GULP1: variants seen among roughly 807,000 people sequenced by gnomAD.
GULP1 encodes the protein PTB domain-containing engulfment adapter protein 1.
GULP1 carries 19 observed loss-of-function variants against 40.9 expected under a neutral mutation model. That is an observed-to-expected ratio of 0.46 (90% CI 0.32 to 0.68). The LOEUF is 0.68. Among genes scored for constraint, GULP1 ranks in the 30% least tolerant of loss-of-function variants. The pLI is 0.03. For missense variants in GULP1, 312 were observed against 362.2 expected, an observed-to-expected ratio of 0.86 and a Z score of 1.12; for synonymous variants, 119 against 117.6, an observed-to-expected ratio of 1.01 and a Z score of -0.08.
chr2:188,593,986 T>G lies in GULP1; in HGVS notation c.890T>G (p.Leu297Arg). The G allele has an allele frequency of 6.2e-7, 1 of 1,600,724 alleles. No individual in the cohort carries two copies. Reference sequence around the variant, plus strand: ...ACTCTTGAAGGCACAGTATTTTGTCTCGACCCGTTAGACAGTAGGTGCTGA... The same window carrying G: ...ACTCTTGAAGGCACAGTATTTTGTCGCGACCCGTTAGACAGTAGGTGCTGA... ...GLTLEGTVFC[L>R]DPLDSRC The change falls in exon 12 of 12, where the codon CTC becomes CGC. Residue 297 changes from leucine (L) to arginine (R), a missense_variant. Coordinates refer to ENST00000409830, the MANE Select transcript of GULP1 (RefSeq NM_016315.4).
At chr2:188,411,171 T>C (rs1373864422) in intron 2 of GULP1, among the ~76,000 whole-genome samples, 8 of 152,090 alleles carry the variant, frequency 5.3e-5, no homozygotes, top group Non-Finnish European at 1.2e-4. Context: ...TGTCTGTGAG[T>C]GCCCGGGACC....
chr2:188,419,232 A>G (rs2055021694), intron 2 of GULP1, among the ~76,000 whole-genome samples: 1 of 152,194 alleles, frequency 6.6e-6, no homozygotes, highest in African/African-American at 2.4e-5. Context: ...ATTAATTTCT[A>G]GAACATATAA....
In GULP1 at chr2:188,483,476, T is replaced by G; in HGVS notation, c.74T>G (p.Ile25Ser). ...HTPEALSKHF[I>S]PYNAKFLGST... ...CCTGAAGCTTTATCAAAACATTTCA[T>G]TCCCTATAATGCAAAGGTAAAAATA... Residue 25 changes from isoleucine to serine, a missense_variant, in exon 4 of 12, where the codon ATT (isoleucine) becomes AGT (serine). Ile to Ser is a moderately radical substitution (Grantham distance 142). Coordinates refer to ENST00000409830, the MANE Select transcript of GULP1 (RefSeq NM_016315.4). 3 of 1,471,102 alleles carry G rather than the reference T, an allele frequency of 2.0e-6. No homozygotes were observed. The highest frequency in any genetic ancestry group is 2.8e-6 in the Non-Finnish European group (3 of 1,058,634). The allele number at this position is 1,471,102 out of a possible 1,614,324, so 91.1% of individuals were successfully genotyped here.
At chr2:188,432,254 A>G (rs938004141) in intron 2 of GULP1, among the ~76,000 whole-genome samples, 1 of 151,712 alleles carries the variant, frequency 6.6e-6, no homozygotes, top group Non-Finnish European at 1.5e-5. Flanking sequence ...AAGATTTTAA[A>G]TTACATGACA....
intron 2 of GULP1, among the ~76,000 whole-genome samples, chr2:188,455,857 A>G (rs1440521010): frequency 1.3e-5 from 2 of 152,236 alleles, no homozygotes; most frequent in African/African-American, 2.4e-5. Context: ...CAAAATGCTG[A>G]TAGCCATATG....
chr2:188,489,036 A>G (rs567114972), intron 4 of GULP1, among the ~76,000 whole-genome samples: 3 of 152,142 alleles, frequency 2.0e-5, no homozygotes, highest in African/African-American at 7.2e-5. Flanking sequence ...TGCTCTTTAA[A>G]TTGTTTTTTG....
chr2:188,514,944 T>C (rs2065025209), intron 4 of GULP1, among the ~76,000 whole-genome samples: 1 of 152,220 alleles, frequency 6.6e-6, no homozygotes, highest in African/African-American at 2.4e-5. Flanking sequence ...TGTTTAAGAA[T>C]CCACTCATTG....
intron 8 of GULP1, 38 bp from the exon 9 acceptor site, chr2:188,569,990 A>AAAAAC (rs1383361523): frequency 2.4e-6 from 2 of 832,804 alleles, no homozygotes; most frequent in African/African-American, 3.5e-5. Context: ...CCAAGAAAAA[A>AAAAAC]AAAACAGAAA....
At chr2:188,406,157 G>A (rs1484374177) in intron 2 of GULP1, among the ~76,000 whole-genome samples, 1 of 151,966 alleles carries the variant, frequency 6.6e-6, no homozygotes, top group Non-Finnish European at 1.5e-5. Flanking sequence ...ATACCTATAT[G>A]GTATATATCA....
chr2:188,545,409 A>G (rs1691656455), intron 7 of GULP1, among the ~76,000 whole-genome samples: 1 of 151,930 alleles, frequency 6.6e-6, no homozygotes, highest in Non-Finnish European at 1.5e-5. Flanking sequence ...GATTTCATAT[A>G]TGGACATGAA....
chr2:188,313,624 A>T (rs951933003), intron 1 of GULP1, among the ~76,000 whole-genome samples: 4 of 149,054 alleles, frequency 2.7e-5, no homozygotes, highest in Non-Finnish European at 4.5e-5. Flanking sequence ...CATGAAATTT[A>T]AAGTAGTTTT....
At chr2:188,501,746 G>T (rs1049511167) in intron 4 of GULP1, among the ~76,000 whole-genome samples, 1 of 152,062 alleles carries the variant, frequency 6.6e-6, no homozygotes, top group Admixed American at 6.6e-5. Flanking sequence ...ACTACACAGC[G>T]TCTTAGAAAA....
intron 4 of GULP1, among the ~76,000 whole-genome samples, chr2:188,494,743 G>C: frequency 6.6e-6 from 1 of 151,870 alleles, no homozygotes; most frequent in Non-Finnish European, 1.5e-5. Context: ...TCTCTCCTTA[G>C]CGTGACTTTT....
intron 4 of GULP1, among the ~76,000 whole-genome samples, chr2:188,490,803 T>A (rs1272314325): frequency 6.6e-6 from 1 of 152,068 alleles, no homozygotes; most frequent in African/African-American, 2.4e-5. Context: ...CTAGATGAAA[T>A]AATTTTTATT....
chr2:188,380,993 T>C (rs1239550343), intron 1 of GULP1, among the ~76,000 whole-genome samples: 1 of 152,122 alleles, frequency 6.6e-6, no homozygotes, highest in African/African-American at 2.4e-5. Flanking sequence ...TGTGTGAAAA[T>C]ATATAATAAA....
intron 1 of GULP1, among the ~76,000 whole-genome samples, chr2:188,375,805 T>C (rs1006319981): frequency 1.1e-4 from 16 of 152,164 alleles, no homozygotes; most frequent in Admixed American, 3.9e-4. Context: ...GGGGAATATT[T>C]GGAAAAAATT....
Position 188,500,835 on chromosome 2 carries a change from C to T in GULP1, c.90+17343C>T, listed in dbSNP as rs184698220. Among the ~76,000 whole-genome samples the T allele has an allele frequency of 1.5e-3, 232 of 152,004 alleles. 1 individual carries two copies. The highest frequency in any genetic ancestry group is 4.0e-3 in the African/African-American group (167 of 41,502). Reference sequence around the variant, plus strand: ...TTTTCCAAATTCTCTTCCCTTAATTCGTATCTTCTAACCAGCCATGTTCTA... The same window carrying T: ...TTTTCCAAATTCTCTTCCCTTAATTTGTATCTTCTAACCAGCCATGTTCTA... On this transcript the variant is annotated intron_variant, in intron 4 of 11. Transcript: ENST00000409830.
At chr2:188,359,021 A>G (rs1461312669) in intron 1 of GULP1, among the ~76,000 whole-genome samples, 1 of 152,108 alleles carries the variant, frequency 6.6e-6, no homozygotes, top group Admixed American at 6.6e-5. Flanking sequence ...GATTTTCAAA[A>G]AATGCTAACA....
chr2:188,400,923 TTGTGTGTGTGTGTGTGTGTGTG>T (rs61060931), intron 2 of GULP1, among the ~76,000 whole-genome samples: 4 of 139,642 alleles, frequency 2.9e-5, no homozygotes, highest in East Asian at 2.1e-4. Flanking sequence ...AGTGGTGTGT[TTGTGTGTGTGTGTGTGTGTGTG>T]TGTGTGTGTG....
Sources: allele counts gnomAD v4.1 joint callset (sites outside exome capture counted in the v4.1 genomes callset), GRCh38; gene constraint gnomAD v4.1.1; transcripts MANE v1.5; gene names NCBI Gene and HGNC (gene_info 2026-07-23, HGNC 2026-07-21).